Variants in SBF2 observed in about 807,000 individuals in gnomAD.
SBF2 encodes myotubularin-related protein 13.
In SBF2, 112 loss-of-function variants were observed where a neutral mutation model predicts 225.2. The ratio of observed to expected loss-of-function variants is 0.50; its 90% CI spans 0.43 to 0.58. SBF2 has a LOEUF of 0.58. Among genes scored for constraint, SBF2 ranks in the 20% least tolerant of loss-of-function variants. The pLI is 0.00. For synonymous variants in SBF2, 763 were observed against 773.3 expected (o/e 0.99, Z 0.22); for missense variants, 1,996 against 2,206.2 (o/e 0.90, Z 1.91).
At chr11:10,004,058 A>G (rs1948086026) in intron 6 of SBF2, among the ~76,000 whole-genome samples, 1 of 152,156 alleles carries the variant, frequency 6.6e-6, no homozygotes, top group African/African-American at 2.4e-5. Flanking sequence ...ATCCCATGTG[A>G]TACATCAGAA....
chr11:10,212,693 T>C (rs954179928), intron 1 of SBF2, among the ~76,000 whole-genome samples: 2 of 152,202 alleles, frequency 1.3e-5, no homozygotes, highest in Non-Finnish European at 2.9e-5. Context: ...ATGACAGTTC[T>C]AGGAACCCCT....
At chr11:9,806,296 T>A (rs907269218) in intron 32 of SBF2, among the ~76,000 whole-genome samples, 1 of 152,024 alleles carries the variant, frequency 6.6e-6, no homozygotes, top group Non-Finnish European at 1.5e-5. Flanking sequence ...GCCTGGCACA[T>A]AGTAAGCAGT....
chr11:10,071,855 C>T (rs896647553), intron 2 of SBF2, among the ~76,000 whole-genome samples: 1 of 152,116 alleles, frequency 6.6e-6, no homozygotes, highest in Admixed American at 6.5e-5. Flanking sequence ...CTGACTTGAT[C>T]ATGGTGGATA....
At chr11:9,911,936 G>A (rs931152535) in intron 16 of SBF2, among the ~76,000 whole-genome samples, 1 of 152,218 alleles carries the variant, frequency 6.6e-6, no homozygotes, top group Admixed American at 6.5e-5. Flanking sequence ...TGTCCAACAC[G>A]CGGCCCACAG....
At chr11:10,179,519 T>C (rs557335000) in intron 2 of SBF2, among the ~76,000 whole-genome samples, 37 of 152,334 alleles carry the variant, frequency 2.4e-4, no homozygotes, top group South Asian at 1.4e-3. Context: ...AAATGTTCTA[T>C]AGATATCTAT....
chr11:10,013,473 T>C (rs1948531170), intron 6 of SBF2, among the ~76,000 whole-genome samples: 5 of 152,290 alleles, frequency 3.3e-5, no homozygotes, highest in Middle Eastern at 3.4e-3. Context: ...GTTTCCAAAT[T>C]TGTCATTTGC....
chr11:9,985,089 G>A (rs1455037919), intron 13 of SBF2, among the ~76,000 whole-genome samples: 1 of 152,146 alleles, frequency 6.6e-6, no homozygotes, highest in African/African-American at 2.4e-5. Context: ...GAAAGCAACA[G>A]TACCTCACAT....
chr11:9,959,379 C>G (rs543076641), intron 16 of SBF2: 1 of 803,378 alleles, frequency 1.2e-6, no homozygotes, highest in African/African-American at 1.7e-5. Flanking sequence ...AAGGGGTGCC[C>G]GTCTGTCCCC....
intron 39 of SBF2, chr11:9,780,922 C>T: frequency 3.3e-6 from 1 of 303,026 alleles, no homozygotes; most frequent in Non-Finnish European, 6.4e-6. Flanking sequence ...CCTTCGTGTC[C>T]CCTTTCTTTA....
chr11:9,865,758 A>T (rs1452998188), intron 17 of SBF2, among the ~76,000 whole-genome samples: 1 of 151,154 alleles, frequency 6.6e-6, no homozygotes, highest in Non-Finnish European at 1.5e-5. Context: ...AAAAAGAAGT[A>T]ATTTGCTCAA....
chr11:9,938,124 C>T lies in SBF2; in HGVS notation c.1860+23833G>A, dbSNP rs189305406. On this transcript the variant is annotated intron_variant, in intron 16 of 39. Coordinates refer to ENST00000256190, the MANE Select transcript of SBF2 (RefSeq NM_030962.4). ...GGTTAACACAGTGAAACCCCGTCTCCACTAAAAATACAAAAAATTAGCCGG... is the reference window on the plus strand; with the variant it reads ...GGTTAACACAGTGAAACCCCGTCTCTACTAAAAATACAAAAAATTAGCCGG... Among the ~76,000 whole-genome samples, 732 of 151,602 alleles carry T rather than the reference C, an allele frequency of 4.8e-3. 7 individuals carry two copies. Among genetic ancestry groups the T allele is most frequent in the African/African-American group, 0.015 (608 of 41,376 alleles).
intron 28 of SBF2, chr11:9,828,358 G>C: frequency 2.6e-6 from 3 of 1,162,458 alleles, no homozygotes; most frequent in Non-Finnish European, 3.2e-6. Flanking sequence ...AGCTTTATTA[G>C]AGATAACAAG....
intron 21 of SBF2, 95 bp from the exon 22 acceptor site, chr11:9,850,313 T>A: frequency 8.9e-7 from 1 of 1,122,974 alleles, no homozygotes; most frequent in Non-Finnish European, 1.3e-6. Context: ...TAGAATACAG[T>A]AGTGCAATCA....
chr11:10,096,811 A>C, intron 2 of SBF2, among the ~76,000 whole-genome samples: 1 of 152,198 alleles, frequency 6.6e-6, no homozygotes, highest in South Asian at 2.1e-4. Context: ...ATATTCTCTT[A>C]TAAAGTACAA....
intron 6 of SBF2, among the ~76,000 whole-genome samples, chr11:10,027,651 C>T (rs1949098820): frequency 6.6e-6 from 1 of 152,132 alleles, no homozygotes; most frequent in Non-Finnish European, 1.5e-5. Context: ...TCAGAGGTAA[C>T]GTAAATGGGA....
chr11:9,798,685 G>T (rs932761458), intron 32 of SBF2, among the ~76,000 whole-genome samples: 1 of 152,256 alleles, frequency 6.6e-6, no homozygotes, highest in South Asian at 2.1e-4. Flanking sequence ...GGTGGCTCAC[G>T]CCTGTAATCC....
In SBF2 at chr11:10,177,925, C is replaced by T. The variant is rs957400525; in HGVS notation, c.141+15977G>A. ...AAAGAACAAAGCTGGAGGCATCACACTACCTGACTTCAAACTATACTACAA... is the reference window on the plus strand; with the variant it reads ...AAAGAACAAAGCTGGAGGCATCACATTACCTGACTTCAAACTATACTACAA... On this transcript the variant is annotated intron_variant, in intron 2 of 39. Coordinates refer to ENST00000256190, the MANE Select transcript of SBF2 (RefSeq NM_030962.4). 1.6e-3 allele frequency among the ~76,000 whole-genome samples: 241 copies of T among 149,732 alleles called. 1 individual carries two copies. The highest frequency in any genetic ancestry group is 5.6e-3 in the African/African-American group (226 of 40,364).
At chr11:10,004,155 C>A (rs1212065277) in intron 6 of SBF2, among the ~76,000 whole-genome samples, 1 of 152,118 alleles carries the variant, frequency 6.6e-6, no homozygotes, top group Non-Finnish European at 1.5e-5. Flanking sequence ...TTATTCCCTT[C>A]AAATCTACCC....
intron 1 of SBF2, among the ~76,000 whole-genome samples, chr11:10,302,421 G>A (rs1159321703): frequency 6.6e-6 from 1 of 152,236 alleles, no homozygotes; most frequent in Non-Finnish European, 1.5e-5. Context: ...AATACTTTGA[G>A]CTGCCAATCC....
Sources: allele counts gnomAD v4.1 joint callset (sites outside exome capture counted in the v4.1 genomes callset), GRCh38; gene constraint gnomAD v4.1.1; transcripts MANE v1.5; gene names NCBI Gene and HGNC (gene_info 2026-07-23, HGNC 2026-07-21).